Variants in KCTD1 observed in about 807,000 individuals in gnomAD.
The protein encoded by KCTD1 is potassium channel tetramerization domain containing 1.
In KCTD1, 24 loss-of-function variants were observed where a neutral mutation model predicts 66.0. The observed-to-expected ratio is 0.36, with a 90% CI of 0.26 to 0.51. The LOEUF (loss-of-function observed/expected upper bound fraction) is 0.51, where lower values mean the gene tolerates loss of function less well. KCTD1 is among the 20% of genes least tolerant of loss of function. The pLI, the probability that KCTD1 is intolerant of heterozygous loss-of-function variation, is 0.95. For missense variants in KCTD1, 943 were observed against 1,205.2 expected (o/e 0.78, Z 3.22); for synonymous variants, 511 against 517.2 (o/e 0.99, Z 0.16).
chr18:26,565,170 C>A (rs1433575838), intron 1 of KCTD1, among the ~76,000 whole-genome samples: 1 of 152,178 alleles, frequency 6.6e-6, no homozygotes, highest in African/African-American at 2.4e-5. Flanking sequence ...GCTAAGGTGT[C>A]AGATTACTGT....
intron 1 of KCTD1, among the ~76,000 whole-genome samples, chr18:26,598,718 G>A (rs1362890831): frequency 6.6e-6 from 1 of 152,072 alleles, no homozygotes; most frequent in Middle Eastern, 3.2e-3. Context: ...TCTCATTGTA[G>A]TTTTGATTTG....
chr18:26,547,657 T>C lies in KCTD1; in HGVS notation c.880A>G (p.Thr294Ala). Residue 294 changes from threonine to alanine, a missense_variant, in exon 1 of 5, where the codon ACC becomes GCC. Physicochemically the swap from Thr to Ala is moderately conservative, Grantham distance 58. Transcript: ENST00000580059. ...ITRADLRKLY[T>A]SSVFSTNTPF... is the part of the protein sequence containing the mutation. ...GTGTTGGTGCTGAAGACGCTGGAGG[T>C]GTACAGCTTGCGCAGGTCGGCGCGC... is the stretch of plus-strand genomic sequence containing the variant. 3 of 1,551,508 alleles carry C rather than the reference T, an allele frequency of 1.9e-6. No homozygotes were observed. Among genetic ancestry groups the C allele is most frequent in the Non-Finnish European group, 2.6e-6 (3 of 1,146,984 alleles).
chr18:26,549,712 C>G (rs1985471423), upstream of KCTD1: 1 of 985,306 alleles, frequency 1.0e-6, no homozygotes, highest in South Asian at 4.7e-5. Flanking sequence ...CAATTCGGAT[C>G]CGGAGCGCAC....
At chr18:26,627,217 A>G (rs1987519835) in intron 1 of KCTD1, among the ~76,000 whole-genome samples, 1 of 135,176 alleles carries the variant, frequency 7.4e-6, no homozygotes, top group South Asian at 2.4e-4. Flanking sequence ...GATTTTGTTG[A>G]CTCTCCTCAA....
chr18:26,508,505 T>C (rs534139742), intron 1 of KCTD1, among the ~76,000 whole-genome samples: 1 of 152,292 alleles, frequency 6.6e-6, no homozygotes, highest in South Asian at 2.1e-4. Flanking sequence ...CTGTCTTATG[T>C]CACGTTTCAC....
chr18:26,627,263 TG>T (rs1473931195), intron 1 of KCTD1, among the ~76,000 whole-genome samples: 2 of 530 alleles, frequency 3.8e-3, no homozygotes, highest in Admixed American at 0.12. Context: ...TTCTGGGTTT[TG>T]TGTGTGTGTG....
At chr18:26,523,926 T>C (rs1984035497) in intron 1 of KCTD1, among the ~76,000 whole-genome samples, 1 of 152,224 alleles carries the variant, frequency 6.6e-6, no homozygotes, top group South Asian at 2.1e-4. Context: ...CACTCACTGC[T>C]GGCCAACGGG....
intron 1 of KCTD1, chr18:26,599,320 G>A (rs923395893): frequency 8.6e-7 from 1 of 1,166,908 alleles, no homozygotes. Flanking sequence ...AATTGACTGG[G>A]GGAGAAGCCG....
chr18:26,502,164 C>T (rs1158314090), intron 1 of KCTD1, among the ~76,000 whole-genome samples: 1 of 152,250 alleles, frequency 6.6e-6, no homozygotes, highest in East Asian at 1.9e-4. Flanking sequence ...ATTCTCCTGC[C>T]TCAGCCTCCT....
intron 1 of KCTD1, among the ~76,000 whole-genome samples, chr18:26,520,990 G>A (rs981829869): frequency 2.6e-5 from 4 of 152,236 alleles, no homozygotes; most frequent in Non-Finnish European, 5.9e-5. Context: ...CTGGTGGGGT[G>A]CCCACACCTG....
At chr18:26,605,795 G>A (rs984829797) in intron 1 of KCTD1, among the ~76,000 whole-genome samples, 1 of 148,558 alleles carries the variant, frequency 6.7e-6, no homozygotes, top group Non-Finnish European at 1.5e-5. Flanking sequence ...AACTGTGGTA[G>A]ATCGATTACA....
intron 1 of KCTD1, among the ~76,000 whole-genome samples, chr18:26,634,388 C>T (rs1442605796): frequency 2.6e-5 from 4 of 152,010 alleles, no homozygotes; most frequent in Non-Finnish European, 5.9e-5. Flanking sequence ...TCCCAACCTC[C>T]GTATCAAAAT....
intron 1 of KCTD1, among the ~76,000 whole-genome samples, chr18:26,587,835 T>A (rs964691229): frequency 6.6e-6 from 1 of 152,222 alleles, no homozygotes; most frequent in African/African-American, 2.4e-5. Flanking sequence ...TGCAAGCTCA[T>A]GAGAAAACGT....
chr18:26,506,647 T>C (rs1232977405), intron 1 of KCTD1, among the ~76,000 whole-genome samples: 1 of 152,126 alleles, frequency 6.6e-6, no homozygotes, highest in Non-Finnish European at 1.5e-5. Flanking sequence ...TAATTTACAA[T>C]GAAAAAATAA....
At chr18:26,578,060 T>TTCTTTC (rs1567999114) in intron 1 of KCTD1, among the ~76,000 whole-genome samples, 99 of 140,930 alleles carry the variant, frequency 7.0e-4, no homozygotes, top group African/African-American at 2.6e-3. Context: ...TTTCTTTCTT[T>TTCTTTC]TTTTTTTTTT....
At chr18:26,562,557 C>T (rs901790525) in intron 1 of KCTD1, among the ~76,000 whole-genome samples, 2 of 152,188 alleles carry the variant, frequency 1.3e-5, no homozygotes, top group Non-Finnish European at 2.9e-5. Flanking sequence ...CCACTGCACC[C>T]GGCCTCAAGA....
rs74920162 is a variant in KCTD1, at chr18:26,517,011, T to C, written c.1810-15761A>G. Among the ~76,000 whole-genome samples the C allele has an allele frequency of 9.0e-3, 1,370 of 152,288 alleles. 25 individuals carry two copies. The highest frequency in any genetic ancestry group is 0.031 in the African/African-American group (1,306 of 41,534). Reference sequence around the variant, plus strand: ...TTGTGGAAATAAAGTAAACACATAATACTTCCCAGGACAGAAACACTGATG... The same window carrying C: ...TTGTGGAAATAAAGTAAACACATAACACTTCCCAGGACAGAAACACTGATG... On this transcript the variant is annotated intron_variant, in intron 1 of 4. Coordinates refer to ENST00000580059, the MANE Select transcript of KCTD1 (RefSeq NM_001142730.3).
At chr18:26,561,344 A>G (rs755463577) in intron 1 of KCTD1, among the ~76,000 whole-genome samples, 11 of 152,174 alleles carry the variant, frequency 7.2e-5, no homozygotes, top group Non-Finnish European at 1.6e-4. Flanking sequence ...ATTTTGCAAC[A>G]TGAGTATGTG....
chr18:26,569,870 T>TA (rs1986062984), intron 1 of KCTD1, among the ~76,000 whole-genome samples: 2 of 152,210 alleles, frequency 1.3e-5, no homozygotes, highest in Admixed American at 1.3e-4. Flanking sequence ...CTGAATTAAT[T>TA]AGATATTGCA....
Sources: gnomAD v4.1 joint callset for allele counts (sites outside exome capture counted in the v4.1 genomes callset) on GRCh38, gnomAD v4.1.1 for gene constraint, MANE v1.5 for transcripts, NCBI Gene and HGNC (gene_info 2026-07-23, HGNC 2026-07-21) for gene names.